CPEB2: variants seen among roughly 807,000 people sequenced by gnomAD.
The protein encoded by CPEB2 is cytoplasmic polyadenylation element binding protein 2.
In CPEB2, 56 loss-of-function variants were observed where a neutral mutation model predicts 93.6. The ratio of observed to expected loss-of-function variants is 0.60; its 90% CI spans 0.48 to 0.75. The LOEUF (loss-of-function observed/expected upper bound fraction) is 0.75. CPEB2 is among the 30% of genes least tolerant of loss of function. The pLI, the probability that CPEB2 is intolerant of heterozygous loss-of-function variation, is 0.00. For missense variants in CPEB2, 1,579 were observed against 1,395.1 expected (o/e 1.13, Z -2.10); for synonymous variants, 764 against 586.3 (o/e 1.30, Z -4.38).
Position 15,002,871 on chromosome 4 carries a change from C to G in CPEB2, c.198C>G (p.Ser66=). ...TGFLEAASPF[S]VPLGGGAGSP... is the part of the protein sequence containing the mutation. ...TCTTAGAGGCCGCCTCCCCCTTCTC[C>G]GTCCCCCTCGGCGGCGGCGCGGGCA... Residue 66 remains serine (S), a synonymous_variant, in exon 1 of 12, where the codon TCC becomes TCG. Coordinates refer to ENST00000538197, the MANE Select transcript of CPEB2 (RefSeq NM_001177382.2). 1 of 1,528,994 alleles carries G rather than the reference C, an allele frequency of 6.5e-7. No homozygotes were observed. The highest frequency in any genetic ancestry group is 2.5e-5 in the East Asian group (1 of 40,698). The allele number at this position is 1,528,994 out of a possible 1,614,324, so 94.7% of individuals were successfully genotyped here. A position where few individuals can be genotyped will look rare whatever the true frequency, so the allele number is the denominator to read the frequency against.
intron 4 of CPEB2, among the ~76,000 whole-genome samples, chr4:15,020,656 G>A (rs1724707680): frequency 6.6e-6 from 1 of 152,132 alleles, no homozygotes; most frequent in African/African-American, 2.4e-5. Flanking sequence ...AAGTTGTACA[G>A]ATGTGAAATG....
intron 7 of CPEB2, among the ~76,000 whole-genome samples, chr4:15,053,353 A>C (rs569599043): frequency 4.9e-4 from 75 of 152,302 alleles, no homozygotes; most frequent in Non-Finnish European, 9.6e-4. Context: ...GTGCTCTTAG[A>C]AACAGGGAAG....
chr4:15,028,488 A>C (rs763686395), intron 4 of CPEB2, among the ~76,000 whole-genome samples: 2 of 152,114 alleles, frequency 1.3e-5, no homozygotes, highest in Non-Finnish European at 2.9e-5. Flanking sequence ...ATTATATGCT[A>C]CGCTTTGTTT....
chr4:15,024,379 A>C (rs2109008063), intron 4 of CPEB2, among the ~76,000 whole-genome samples: 1 of 152,296 alleles, frequency 6.6e-6, no homozygotes, highest in South Asian at 2.1e-4. Context: ...CTACCTATAT[A>C]ATATGATAAG....
At chr4:15,059,065 C>T in intron 9 of CPEB2, 122 bp from the exon 10 acceptor site, 1 of 529,236 alleles carries the variant, frequency 1.9e-6, no homozygotes, top group Non-Finnish European at 3.4e-6. Flanking sequence ...TAATTTGTTT[C>T]CAGATCCCAC....
At chr4:15,059,418 T>TCCTGC in intron 10 of CPEB2, 117 bp downstream of exon 10, 1 of 544,782 alleles carries the variant, frequency 1.8e-6, no homozygotes, top group Non-Finnish European at 3.2e-6. Context: ...CAGGAGCAGA[T>TCCTGC]TCTGCATGCA....
intron 5 of CPEB2, among the ~76,000 whole-genome samples, chr4:15,036,723 GGGAATGGTATTA>G (rs1726647312): frequency 2.0e-5 from 3 of 152,260 alleles, no homozygotes; most frequent in African/African-American, 7.2e-5. Flanking sequence ...GAGGGGGAGT[GGGAATGGTATTA>G]GCAAGCTAGT....
In CPEB2 at chr4:15,066,718, G is replaced by A. The variant is rs961632616; in HGVS notation, c.*338G>A. 2.3e-5 allele frequency: 5 copies of A among 213,674 alleles called. No individual in the cohort carries two copies. The highest frequency in any genetic ancestry group is 1.1e-4 in the East Asian group (1 of 8,918). The allele number at this position is 213,674 out of a possible 1,614,324, so 13.2% of individuals were successfully genotyped here. A position where few individuals can be genotyped will look rare whatever the true frequency, so the allele number is the denominator to read the frequency against. On this transcript the variant is annotated 3_prime_UTR_variant, in exon 12 of 12. Transcript: ENST00000538197. ...TCTGCTGCTATATAGTGGGGGAAGC[G>A]TGCACTTATTTCTAAACATGGGTTT... is the stretch of plus-strand genomic sequence containing the variant.
chr4:15,004,043 T>C lies in CPEB2; in HGVS notation c.1370T>C (p.Met457Thr), dbSNP rs1388490077. 5 of 1,564,260 alleles carry C rather than the reference T, an allele frequency of 3.2e-6. No homozygotes were observed. The African/African-American group carries it at 4.3e-5, about 13-fold the overall frequency. Residue 457 changes from methionine (M) to threonine (T), a missense_variant, in exon 1 of 12, where the codon ATG becomes ACG. Around this residue, in one of 2 missense-constraint regions of CPEB2, gnomAD observed 1,411 missense variants for 1,056.0 expected, o/e 1.34. Coordinates refer to ENST00000538197, the MANE Select transcript of CPEB2 (RefSeq NM_001177382.2). Reference sequence around the variant, plus strand: ...TTCTACCCCGGGCTGCCGTCGTCCATGAACCCGGCCTTCTTCCCTAGCTTC... The same window carrying C: ...TTCTACCCCGGGCTGCCGTCGTCCACGAACCCGGCCTTCTTCCCTAGCTTC... ...NGFYPGLPSS[M>T]NPAFFPSFSP...
chr4:15,011,096 C>CT (rs869267857), intron 3 of CPEB2, among the ~76,000 whole-genome samples: 2 of 135,890 alleles, frequency 1.5e-5, no homozygotes, highest in Non-Finnish European at 3.2e-5. Context: ...CTATGAATTT[C>CT]TTTTCTTTTT....
intron 6 of CPEB2, among the ~76,000 whole-genome samples, chr4:15,041,345 C>G (rs1256677129): frequency 2.0e-5 from 3 of 151,870 alleles, no homozygotes; most frequent in Non-Finnish European, 4.4e-5. Flanking sequence ...TTTTCTTTGA[C>G]CTCTAAAAAT....
chr4:15,016,935 A>G (rs1412007691), intron 3 of CPEB2, among the ~76,000 whole-genome samples: 4 of 151,974 alleles, frequency 2.6e-5, no homozygotes, highest in African/African-American at 7.2e-5. Flanking sequence ...ACTGTTTTGC[A>G]TTAGTATTGC....
chr4:15,064,419 T>A (rs1729490101), intron 11 of CPEB2, among the ~76,000 whole-genome samples: 1 of 152,094 alleles, frequency 6.6e-6, no homozygotes, highest in Non-Finnish European at 1.5e-5. Flanking sequence ...ATATCTAGAA[T>A]TTTAAAAATA....
At chr4:15,011,620 G>C (rs932231876) in intron 3 of CPEB2, among the ~76,000 whole-genome samples, 1 of 152,044 alleles carries the variant, frequency 6.6e-6, no homozygotes, top group African/African-American at 2.4e-5. Context: ...AACATAACAA[G>C]ACACCACCCC....
chr4:15,062,001 C>T (rs1213702670), intron 10 of CPEB2, 78 bp from the exon 11 acceptor site: 10 of 1,302,326 alleles, frequency 7.7e-6, no homozygotes, highest in African/African-American at 1.5e-5. Context: ...TTGACTTTTA[C>T]GTTTTACAAA....
intron 6 of CPEB2, among the ~76,000 whole-genome samples, chr4:15,047,017 A>G (rs1399816194): frequency 6.6e-6 from 1 of 152,142 alleles, no homozygotes; most frequent in Non-Finnish European, 1.5e-5. Flanking sequence ...CCAACTAGAA[A>G]TCCATTTATT....
intron 5 of CPEB2, among the ~76,000 whole-genome samples, chr4:15,037,322 A>G (rs532043333): frequency 1.3e-5 from 2 of 152,202 alleles, no homozygotes; most frequent in South Asian, 4.1e-4. Context: ...AAAAAAAAAA[A>G]GACTGTGATT....
intron 6 of CPEB2, among the ~76,000 whole-genome samples, chr4:15,046,778 A>G (rs1275561383): frequency 1.3e-5 from 2 of 152,076 alleles, no homozygotes; most frequent in African/African-American, 2.4e-5. Context: ...CTTGCCATCC[A>G]CTTTTTAACA....
At chr4:15,049,838 T>TA (rs1176122448) in intron 6 of CPEB2, among the ~76,000 whole-genome samples, 3 of 152,298 alleles carry the variant, frequency 2.0e-5, no homozygotes, top group Admixed American at 6.5e-5. Context: ...TTGTGTCTTA[T>TA]AAACTAAATT....
Sources: allele counts gnomAD v4.1 joint callset (sites outside exome capture counted in the v4.1 genomes callset), GRCh38; gene constraint gnomAD v4.1.1; regional missense constraint gnomAD v4.1.1; transcripts MANE v1.5; gene names NCBI Gene and HGNC (gene_info 2026-07-23, HGNC 2026-07-21).